The following VWDE variants were observed in gnomAD, a reference collection of about 807,000 sequenced individuals.
VWDE encodes the protein von Willebrand factor D and EGF domain-containing protein.
Under a neutral mutation model 178.4 loss-of-function variants are expected in VWDE, and 207 were observed. The ratio of observed to expected loss-of-function variants is 1.16; its 90% confidence interval spans 1.04 to 1.30. The LOEUF is 1.30. Ranked by LOEUF, VWDE falls within the 50% of genes most tolerant of loss-of-function variation. The pLI is 0.00. For missense variants in VWDE, 2,287 were observed against 1,901.3 expected (o/e 1.20, Z -3.77); for synonymous variants, 738 against 651.4 (o/e 1.13, Z -2.02).
In VWDE at chr7:12,372,974, T is replaced by C; in HGVS notation, c.1587+3A>G. The C allele has an allele frequency of 1.9e-6, 3 of 1,550,670 alleles. No individual in the cohort carries two copies. The highest frequency in any genetic ancestry group is 2.4e-5 in the South Asian group (2 of 83,938). On this transcript the variant is annotated splice_donor_region_variant and intron_variant, in intron 10 of 28. Coordinates refer to ENST00000275358, the MANE Select transcript of VWDE (RefSeq NM_001135924.3). ...ACTTTCAATGTTAAAGAATCATACA[T>C]ACTGTGACTTTTCTTCCTAAGTAAG... is the stretch of plus-strand genomic sequence containing the variant.
intron 1 of VWDE, among the ~76,000 whole-genome samples, chr7:12,402,565 T>C (rs1246289565): frequency 6.6e-6 from 1 of 152,172 alleles, no homozygotes; most frequent in African/African-American, 2.4e-5. Flanking sequence ...TCATCTTCCT[T>C]TATAAACATT....
chr7:12,393,469 AT>A, intron 2 of VWDE, 124 bp downstream of exon 2: 1 of 799,160 alleles, frequency 1.3e-6, no homozygotes, highest in Non-Finnish European at 1.9e-6. Context: ...AGTCTTTCAG[AT>A]TAACTCAATA....
intron 3 of VWDE, 134 bp downstream of exon 3, chr7:12,388,993 C>T: frequency 1.3e-6 from 1 of 792,058 alleles, no homozygotes; most frequent in South Asian, 1.5e-5. Flanking sequence ...AGAAATTTAG[C>T]TTCAATCTAG....
chr7:12,397,009 T>C (rs981780242), intron 1 of VWDE, among the ~76,000 whole-genome samples: 4 of 151,556 alleles, frequency 2.6e-5, no homozygotes, highest in Admixed American at 6.6e-5. Flanking sequence ...ATCTAAAGAA[T>C]CAAGACTATT....
chr7:12,393,342 A>G (rs986842707), intron 2 of VWDE, among the ~76,000 whole-genome samples: 2 of 152,150 alleles, frequency 1.3e-5, no homozygotes, highest in African/African-American at 4.8e-5. Context: ...ATGATGATAG[A>G]TTGTATGCTA....
chr7:12,370,435 C>T lies in VWDE; in HGVS notation c.1871G>A (p.Ser624Asn). The T allele has an allele frequency of 6.5e-7, 1 of 1,544,654 alleles. No homozygotes were observed. Among genetic ancestry groups the T allele is most frequent in the Non-Finnish European group, 8.7e-7 (1 of 1,146,730 alleles). The change falls in exon 12 of 29, where the codon AGC (serine) becomes AAC (asparagine). Residue 624 changes from serine (S) to asparagine (N), a missense_variant. Physicochemically the swap from Ser to Asn is conservative, Grantham distance 46. Transcript: ENST00000275358. ...ATACGCTGCAGTGTCCAATGAACAG[C>T]TACAATAGGATGGCTTTCCAGGTGA... ...MTSPGKPSYC[S>N]CSLDTAAYPS... is the part of the protein sequence containing the mutation.
chr7:12,370,632 G>A (rs1369218296), intron 11 of VWDE, 24 bp downstream of exon 11: 13 of 1,546,012 alleles, frequency 8.4e-6, no homozygotes, highest in African/African-American at 2.7e-5. Context: ...TAATATAATC[G>A]CAAGTGGAAA....
At chr7:12,386,001 C>T (rs1046130238) in intron 3 of VWDE, among the ~76,000 whole-genome samples, 6 of 151,990 alleles carry the variant, frequency 3.9e-5, no homozygotes, top group Admixed American at 1.3e-4. Context: ...TTTTTAAATT[C>T]AGTGTAAAAA....
intron 23 of VWDE, among the ~76,000 whole-genome samples, chr7:12,341,408 C>T (rs539806085): frequency 1.4e-4 from 22 of 152,118 alleles, no homozygotes; most frequent in East Asian, 1.2e-3. Flanking sequence ...CTGAGGCAGG[C>T]GGATCACGAG....
chr7:12,341,655 T>C (rs1781338499), intron 23 of VWDE, among the ~76,000 whole-genome samples: 1 of 151,328 alleles, frequency 6.6e-6, no homozygotes, highest in Non-Finnish European at 1.5e-5. Context: ...AGCCTAATAC[T>C]GTGATAAATA....
chr7:12,370,246 G>T lies in VWDE; in HGVS notation c.2060C>A (p.Pro687Gln), dbSNP rs1484488414. The change falls in exon 12 of 29, where the codon CCA becomes CAA. Residue 687 changes from proline to glutamine, a missense_variant. Physicochemically the swap from Pro to Gln is moderately conservative, Grantham distance 76. Coordinates refer to ENST00000275358, the MANE Select transcript of VWDE (RefSeq NM_001135924.3). ...LVREINKHTS[P>Q]EEYNLNLFLQ... Reference sequence around the variant, plus strand: ...AAATAAATTTAGATTATATTCTTCTGGAGATGTATGCTTGTTTATCTCTCT... The same window carrying T: ...AAATAAATTTAGATTATATTCTTCTTGAGATGTATGCTTGTTTATCTCTCT... 6.4e-7 allele frequency: 1 copy of T among 1,550,908 alleles called. No homozygotes were observed. Among genetic ancestry groups the T allele is most frequent in the Non-Finnish European group, 8.7e-7 (1 of 1,146,838 alleles).
intron 18 of VWDE, among the ~76,000 whole-genome samples, chr7:12,353,074 C>G (rs1782032901): frequency 6.6e-6 from 1 of 152,184 alleles, no homozygotes; most frequent in East Asian, 1.9e-4. Flanking sequence ...ACTTGTTCTT[C>G]CATTACGTTG....
chr7:12,336,341 G>C (rs772957695), intron 26 of VWDE, 105 bp from the exon 27 acceptor site: 5 of 913,352 alleles, frequency 5.5e-6, no homozygotes, highest in Non-Finnish European at 8.1e-6. Flanking sequence ...ATAGTTACAA[G>C]TAAGTGATTA....
chr7:12,370,201 ATG>A lies in VWDE; in HGVS notation c.2103_2104del (p.Ile702LysfsTer4). 6.4e-7 allele frequency: 1 copy of A among 1,551,094 alleles called. No individual in the cohort carries two copies. The highest frequency in any genetic ancestry group is 1.2e-5 in the South Asian group (1 of 84,010). ...ATTTAAGCCGAGTTTAGTCAGGTTT[ATG>A]TGTTTTTTTTCTTGCAGAAATAAAT... On this transcript the variant is annotated frameshift_variant, in exon 12 of 29. Coordinates refer to ENST00000275358, the MANE Select transcript of VWDE (RefSeq NM_001135924.3). LOFTEE classifies it high-confidence loss of function.
intron 13 of VWDE, among the ~76,000 whole-genome samples, chr7:12,362,840 T>C (rs1782660883): frequency 6.6e-6 from 1 of 152,062 alleles, no homozygotes; most frequent in African/African-American, 2.4e-5. Flanking sequence ...TTCCCTCTTG[T>C]AGAAGAAGAA....
chr7:12,373,078 T>A lies in VWDE; in HGVS notation c.1486A>T (p.Asn496Tyr), dbSNP rs1197383697. 1 of 1,551,356 alleles carries A rather than the reference T, an allele frequency of 6.4e-7. No individual in the cohort carries two copies. The highest frequency in any genetic ancestry group is 8.7e-7 in the Non-Finnish European group (1 of 1,146,758). The change falls in exon 10 of 29, where the codon AAT becomes TAT. Residue 496 changes from asparagine to tyrosine, a missense_variant. Transcript: ENST00000275358. ...GGDIVTFDMC[N>Y]GQLRESQPYL... ...GGTTGTGATTCACGTAGCTGACCAT[T>A]GCACATATCAAAAGTAACTATATCA...
intron 2 of VWDE, among the ~76,000 whole-genome samples, chr7:12,391,100 AAAG>A (rs1784369150): frequency 2.0e-5 from 3 of 152,206 alleles, no homozygotes; most frequent in African/African-American, 7.2e-5. Context: ...TGTAACTGAA[AAAG>A]AATAGCATGT....
chr7:12,354,368 C>T, intron 18 of VWDE: 1 of 430,048 alleles, frequency 2.3e-6, no homozygotes, highest in South Asian at 1.7e-5. Flanking sequence ...ATTTTTCCAT[C>T]CCCATAAAAT....
intron 13 of VWDE, among the ~76,000 whole-genome samples, chr7:12,365,404 G>A (rs957862364): frequency 7.9e-5 from 12 of 152,106 alleles, no homozygotes; most frequent in African/African-American, 2.9e-4. Context: ...TGAGTATCAA[G>A]TTATTCCAAA....
Sources: allele counts gnomAD v4.1 joint callset (sites outside exome capture counted in the v4.1 genomes callset), GRCh38; gene constraint gnomAD v4.1.1; transcripts MANE v1.5; gene names NCBI Gene and HGNC (gene_info 2026-07-23, HGNC 2026-07-21).